CCNI: variants seen among roughly 807,000 people sequenced by gnomAD.
CCNI encodes cyclin I.
CCNI carries 14 observed loss-of-function variants against 34.1 expected under a neutral mutation model. The observed-to-expected ratio is 0.41, with a 90% CI of 0.27 to 0.64. The LOEUF (loss-of-function observed/expected upper bound fraction) is 0.64, where lower values mean the gene tolerates loss of function less well. Ranked by LOEUF, CCNI falls within the 30% of genes least tolerant of loss-of-function variation. The pLI, the probability that CCNI is intolerant of heterozygous loss-of-function variation, is 0.31. For missense variants in CCNI, 385 were observed against 440.5 expected (o/e 0.87, Z 1.13); for synonymous variants, 154 against 158.4 (o/e 0.97, Z 0.21).
At chr4:77,060,764 A>G (rs960754918) in intron 2 of CCNI, among the ~76,000 whole-genome samples, 10 of 151,996 alleles carry the variant, frequency 6.6e-5, no homozygotes, top group South Asian at 2.1e-4. Context: ...AGCTGGGATT[A>G]CAGGCTTGTG....
At chr4:77,055,009 A>T in intron 6 of CCNI, 141 bp downstream of exon 6, 1 of 564,946 alleles carries the variant, frequency 1.8e-6, no homozygotes, top group Non-Finnish European at 3.1e-6. Context: ...CCGTAAATTT[A>T]AAATATATAC....
At chr4:77,068,518 G>C (rs1729217725) in intron 1 of CCNI, among the ~76,000 whole-genome samples, 1 of 152,172 alleles carries the variant, frequency 6.6e-6, no homozygotes, top group African/African-American at 2.4e-5. Context: ...TAAATAACGG[G>C]ACAAGGAGGA....
intron 5 of CCNI, 26 bp downstream of exon 5, chr4:77,055,936 A>C (rs747755805): frequency 2.3e-5 from 37 of 1,574,568 alleles, no homozygotes; most frequent in Non-Finnish European, 2.9e-5. Context: ...TCAAATAAGA[A>C]ACTAAAAGAC....
intron 1 of CCNI, among the ~76,000 whole-genome samples, chr4:77,069,376 C>T (rs1248838929): frequency 1.3e-5 from 2 of 152,102 alleles, no homozygotes; most frequent in East Asian, 3.9e-4. Flanking sequence ...CAGAATGAGA[C>T]CGTGTCTCCA....
At chr4:77,051,909 C>T (rs1369159893) in intron 6 of CCNI, among the ~76,000 whole-genome samples, 1 of 151,098 alleles carries the variant, frequency 6.6e-6, no homozygotes, top group African/African-American at 2.4e-5. Flanking sequence ...CCACAGCCAC[C>T]TTCAAAAAGA....
chr4:77,067,919 T>C (rs1216556603), intron 1 of CCNI, among the ~76,000 whole-genome samples: 1 of 151,644 alleles, frequency 6.6e-6, no homozygotes, highest in Non-Finnish European at 1.5e-5. Flanking sequence ...GGCTCACACC[T>C]GTAATCCTAG....
chr4:77,070,608 TTGCCTTGG>T (rs1303118301), intron 1 of CCNI, among the ~76,000 whole-genome samples: 1 of 152,160 alleles, frequency 6.6e-6, no homozygotes, highest in Non-Finnish European at 1.5e-5. Flanking sequence ...TCCAATTTTG[TTGCCTTGG>T]TGCCTTTCTC....
chr4:77,056,119 G>T lies in CCNI; in HGVS notation c.319-17C>A. ...TGGAATTCTCTATCCAAAGCAAAGG[G>T]GAACAGGGACAGGGAGAAAAGGACA... is the stretch of plus-strand genomic sequence containing the variant. On this transcript the variant is annotated splice_polypyrimidine_tract_variant and intron_variant, in intron 4 of 6. Transcript: ENST00000237654. 1 of 1,611,446 alleles carries T rather than the reference G, an allele frequency of 6.2e-7. No homozygotes were observed. The highest frequency in any genetic ancestry group is 1.3e-5 in the African/African-American group (1 of 74,862).
intron 1 of CCNI, chr4:77,075,166 ATAGAG>A (rs1729810516): frequency 6.6e-6 from 1 of 152,180 alleles, no homozygotes; most frequent in South Asian, 2.1e-4. Context: ...AACACGCACT[ATAGAG>A]TAGCTAATTT....
intron 5 of CCNI, among the ~76,000 whole-genome samples, chr4:77,055,751 GCCACCGCGC>G (rs545431797): frequency 7.5e-4 from 115 of 152,332 alleles, no homozygotes; most frequent in Non-Finnish European, 1.2e-3. Flanking sequence ...ACAGGCGTGA[GCCACCGCGC>G]CCAGCCTAAC....
In CCNI at chr4:77,074,581, AAATGAGGC is replaced by A. The variant is rs755072764; in HGVS notation, c.-44+883_-44+890del. Among the ~76,000 whole-genome samples the A allele has an allele frequency of 5.4e-4, 82 of 152,260 alleles. 1 individual carries two copies. The highest frequency in any genetic ancestry group is 6.5e-4 in the Admixed American group (10 of 15,298). On this transcript the variant is annotated intron_variant, in intron 1 of 6. Transcript: ENST00000237654. ...GGAGTCTCAGTTTTCCTCATCTGTA[AAATGAGGC>A]TCCTACTACCAGCCTTGGGGGGATT...
rs937841511 is a variant in CCNI at position 77,053,893 on chromosome 4, C to T, written c.690+1257G>A. Among the ~76,000 whole-genome samples the T allele has an allele frequency of 2.6e-5, 4 of 152,036 alleles. No homozygotes were observed. In the South Asian group the frequency reaches 6.2e-4, roughly 24 times the overall value. ...TAAAAATTCTAAGTAGCAACTACCTCCTAGGATTTATTCTCATTACAGCAT... is the reference window on the plus strand; with the variant it reads ...TAAAAATTCTAAGTAGCAACTACCTTCTAGGATTTATTCTCATTACAGCAT... On this transcript the variant is annotated intron_variant, in intron 6 of 6. Coordinates refer to ENST00000237654, the MANE Select transcript of CCNI (RefSeq NM_006835.3).
chr4:77,067,350 T>G (rs570840662), intron 1 of CCNI, among the ~76,000 whole-genome samples: 18 of 152,306 alleles, frequency 1.2e-4, no homozygotes, highest in South Asian at 2.1e-4. Flanking sequence ...ACATTCCTAT[T>G]AATACAGTAA....
At chr4:77,061,731 G>A (rs576742622) in intron 2 of CCNI, among the ~76,000 whole-genome samples, 27 of 152,070 alleles carry the variant, frequency 1.8e-4, no homozygotes, top group African/African-American at 5.3e-4. Context: ...GTGCAGTGGC[G>A]CAATCTTGGC....
intron 3 of CCNI, among the ~76,000 whole-genome samples, chr4:77,057,272 T>C (rs1029850650): frequency 6.6e-6 from 1 of 152,258 alleles, no homozygotes; most frequent in African/African-American, 2.4e-5. Context: ...AAATTATTAG[T>C]GAACACATTG....
chr4:77,050,839 TA>T (rs11384050), intron 6 of CCNI, among the ~76,000 whole-genome samples: 152 of 141,310 alleles, frequency 1.1e-3, no homozygotes, highest in Non-Finnish European at 9.3e-4. Flanking sequence ...TTAGGAAGCC[TA>T]AAAAAAAAAA....
In CCNI at chr4:77,048,189, G is replaced by C. The variant is rs1727564052; in HGVS notation, c.*30C>G. 3 of 1,574,098 alleles carry C rather than the reference G, an allele frequency of 1.9e-6. No homozygotes were observed. Among genetic ancestry groups the C allele is most frequent in the Admixed American group, 1.7e-5 (1 of 58,696 alleles). ...CTCATTCCCAAAGTAGTCTACCTTA[G>C]TTTACACTCAAAGGTAGCACTTGTT... is the stretch of plus-strand genomic sequence containing the variant. On this transcript the variant is annotated 3_prime_UTR_variant, in exon 7 of 7. Coordinates refer to ENST00000237654, the MANE Select transcript of CCNI (RefSeq NM_006835.3).
intron 6 of CCNI, among the ~76,000 whole-genome samples, chr4:77,049,313 G>C (rs904678969): frequency 1.3e-5 from 2 of 151,810 alleles, no homozygotes; most frequent in African/African-American, 4.8e-5. Flanking sequence ...ATCCTTTCTG[G>C]AGTTACCCCT....
chr4:77,070,781 T>C (rs944496349), intron 1 of CCNI, among the ~76,000 whole-genome samples: 1 of 152,108 alleles, frequency 6.6e-6, no homozygotes, highest in Non-Finnish European at 1.5e-5. Context: ...TATCGAAGTT[T>C]TGGGAGGCCA....
Sources: gnomAD v4.1 joint callset for allele counts (sites outside exome capture counted in the v4.1 genomes callset) on GRCh38, gnomAD v4.1.1 for gene constraint, MANE v1.5 for transcripts, NCBI Gene and HGNC (gene_info 2026-07-23, HGNC 2026-07-21) for gene names.